Variants in VSTM2B observed in about 807,000 individuals in gnomAD.
VSTM2B encodes V-set and transmembrane domain-containing protein 2B.
In VSTM2B, 24 loss-of-function variants were observed where a neutral mutation model predicts 24.0. The ratio of observed to expected loss-of-function variants is 1.00; its 90% CI spans 0.72 to 1.40. The LOEUF is 1.40. VSTM2B is among the 40% of genes most tolerant of loss of function. The pLI, the probability that VSTM2B is intolerant of heterozygous loss-of-function variation, is 0.00. For missense variants in VSTM2B, 399 were observed against 416.4 expected (o/e 0.96, Z 0.36); for synonymous variants, 226 against 194.4 (o/e 1.16, Z -1.35).
intron 4 of VSTM2B, among the ~76,000 whole-genome samples, chr19:29,561,798 G>A (rs1302878250): frequency 2.0e-5 from 3 of 152,170 alleles, no homozygotes; most frequent in African/African-American, 7.2e-5. Context: ...CCATCAGCTC[G>A]TCCATCACAT....
chr19:29,545,963 C>A (rs896902510), intron 4 of VSTM2B, among the ~76,000 whole-genome samples: 24 of 152,066 alleles, frequency 1.6e-4, no homozygotes. Flanking sequence ...TTGGTGGATG[C>A]AGGGAGGCCA....
In VSTM2B at chr19:29,530,281, C is replaced by A; in HGVS notation, c.760C>A (p.His254Asn). ...ACAGGCGGTCCTGCTGCGCCAGAGG[C>A]ACGGCTCGGGTAAGGGATCGCGGAG... ...SGQAVLLRQR[H>N]GSGTGRSYTT... Residue 254 changes from histidine (H) to asparagine (N), a missense_variant, in exon 4 of 5, where the codon CAC becomes AAC. Transcript: ENST00000335523. The A allele has an allele frequency of 6.7e-7, 1 of 1,500,694 alleles. No individual in the cohort carries two copies. The highest frequency in any genetic ancestry group is 8.8e-7 in the Non-Finnish European group (1 of 1,132,382). 93.0% of individuals were successfully genotyped at this position (1,500,694 alleles called of 1,614,324 possible). A position where few individuals can be genotyped will look rare whatever the true frequency, so the allele number is the denominator to read the frequency against.
At chr19:29,527,474 A>T in intron 2 of VSTM2B, 79 bp downstream of exon 2, 1 of 1,299,984 alleles carries the variant, frequency 7.7e-7, no homozygotes, top group Non-Finnish European at 1.0e-6. Flanking sequence ...GGAGGGAAGC[A>T]GCGGGCTTCA....
intron 4 of VSTM2B, among the ~76,000 whole-genome samples, chr19:29,558,085 A>ATG (rs1491139851): frequency 2.0e-5 from 3 of 152,270 alleles, no homozygotes; most frequent in Non-Finnish European, 1.5e-5. Context: ...GCCAACAAAC[A>ATG]TGTATATATA....
intron 4 of VSTM2B, among the ~76,000 whole-genome samples, chr19:29,538,325 GA>G (rs1344289573): frequency 6.6e-6 from 1 of 152,188 alleles, no homozygotes; most frequent in African/African-American, 2.4e-5. Flanking sequence ...GATCCGGGGG[GA>G]TAATCCGTGG....
chr19:29,562,668 G>C (rs2145523035), intron 4 of VSTM2B, among the ~76,000 whole-genome samples: 1 of 152,330 alleles, frequency 6.6e-6, no homozygotes, highest in African/African-American at 2.4e-5. Context: ...GGATCGTGCA[G>C]GGTGCTTCCA....
In VSTM2B at chr19:29,528,417, C is replaced by T. The variant is rs992330528; in HGVS notation, c.268-16C>T. 2.6e-6 allele frequency: 4 copies of T among 1,551,228 alleles called. No homozygotes were observed. Among genetic ancestry groups the T allele is most frequent in the Admixed American group, 3.9e-5 (2 of 51,012 alleles). ...GCCGCGAGCCTCACGTCTCTCTCTCCCTCTTTGCATTTTAGGTAACAAATA... is the reference window on the plus strand; with the variant it reads ...GCCGCGAGCCTCACGTCTCTCTCTCTCTCTTTGCATTTTAGGTAACAAATA... On this transcript the variant is annotated splice_polypyrimidine_tract_variant and intron_variant, in intron 2 of 4. Coordinates refer to ENST00000335523, the MANE Select transcript of VSTM2B (RefSeq NM_001146339.2).
chr19:29,553,382 A>G (rs1483567677), intron 4 of VSTM2B, among the ~76,000 whole-genome samples: 2 of 152,236 alleles, frequency 1.3e-5, no homozygotes, highest in Admixed American at 1.3e-4. Flanking sequence ...CTGTTAAAAC[A>G]AAAGCAAACA....
chr19:29,554,217 G>A (rs1034899276), intron 4 of VSTM2B, among the ~76,000 whole-genome samples: 1 of 152,196 alleles, frequency 6.6e-6, no homozygotes, highest in Admixed American at 6.5e-5. Flanking sequence ...TATACTAATG[G>A]TGGACCTCTT....
intron 4 of VSTM2B, among the ~76,000 whole-genome samples, chr19:29,553,941 C>CA (rs1970347124): frequency 6.6e-6 from 1 of 152,142 alleles, no homozygotes. Flanking sequence ...ACCAAACCTA[C>CA]AACTGATTGA....
At chr19:29,552,175 G>A (rs758683995) in intron 4 of VSTM2B, among the ~76,000 whole-genome samples, 3 of 152,214 alleles carry the variant, frequency 2.0e-5, no homozygotes, top group Non-Finnish European at 4.4e-5. Flanking sequence ...CATTGCTGAT[G>A]TACAGACCCC....
intron 4 of VSTM2B, among the ~76,000 whole-genome samples, chr19:29,546,102 T>G (rs76882320): frequency 0.024 from 3,670 of 151,698 alleles, 101 homozygotes; most frequent in African/African-American, 0.07. Flanking sequence ...TGTATTGGAG[T>G]CAACTTGTGG....
chr19:29,547,898 G>A (rs1290140807), intron 4 of VSTM2B, among the ~76,000 whole-genome samples: 1 of 151,976 alleles, frequency 6.6e-6, no homozygotes, highest in Non-Finnish European at 1.5e-5. Context: ...TGGGGGGATG[G>A]GGAATTACGG....
At chr19:29,552,740 A>C (rs1970314797) in intron 4 of VSTM2B, among the ~76,000 whole-genome samples, 1 of 152,210 alleles carries the variant, frequency 6.6e-6, no homozygotes, top group Non-Finnish European at 1.5e-5. Context: ...GGCAGCAGCC[A>C]TCACTGCAGT....
At chr19:29,533,268 C>T (rs1046182771) in intron 4 of VSTM2B, among the ~76,000 whole-genome samples, 1 of 152,202 alleles carries the variant, frequency 6.6e-6, no homozygotes. Context: ...CTCTGCCTTC[C>T]CTGGAGGGGC....
At chr19:29,552,941 G>C (rs78909352) in intron 4 of VSTM2B, among the ~76,000 whole-genome samples, 1 of 152,184 alleles carries the variant, frequency 6.6e-6, no homozygotes, top group African/African-American at 2.4e-5. Context: ...ACAGCCAGGC[G>C]TATAGGGACA....
chr19:29,526,635 C>T lies in VSTM2B; in HGVS notation c.52C>T (p.Leu18=). 1 of 1,530,468 alleles carries T rather than the reference C, an allele frequency of 6.5e-7. No homozygotes were observed. Among genetic ancestry groups the T allele is most frequent in the South Asian group, 1.2e-5 (1 of 82,950 alleles). The allele number at this position is 1,530,468 out of a possible 1,614,324, so 94.8% of individuals were successfully genotyped here. A position where few individuals can be genotyped will look rare whatever the true frequency, so the allele number is the denominator to read the frequency against. ...CCTCGGATACCTGCCGCCTCTGCTG[C>T]TGCATGCCCTGCTGCTCTTCGTGGC... is the stretch of plus-strand genomic sequence containing the variant. The part of the protein sequence containing the change: ...GALGYLPPLL[L]HALLLFVADA... The change falls in exon 1 of 5, where the codon CTG becomes TTG. Residue 18 remains leucine, a synonymous_variant. Transcript: ENST00000335523. This position sits in a 1 kb window ranked among gnomAD's most constrained non-coding sequence, Gnocchi z 4.1.
intron 4 of VSTM2B, among the ~76,000 whole-genome samples, chr19:29,556,528 G>C (rs1437743033): frequency 6.6e-6 from 1 of 152,174 alleles, no homozygotes; most frequent in African/African-American, 2.4e-5. Flanking sequence ...TGGAGGTTCT[G>C]GCCAGGACAA....
intron 4 of VSTM2B, among the ~76,000 whole-genome samples, chr19:29,542,457 G>T (rs1462560171): frequency 6.6e-6 from 1 of 151,756 alleles, no homozygotes; most frequent in African/African-American, 2.4e-5. Flanking sequence ...TGGGTTGATG[G>T]TTGGGAGAAT....
Sources: allele counts gnomAD v4.1 joint callset (sites outside exome capture counted in the v4.1 genomes callset), GRCh38; gene constraint gnomAD v4.1.1; non-coding constraint Gnocchi (gnomAD v3.1); transcripts MANE v1.5; gene names NCBI Gene and HGNC (gene_info 2026-07-23, HGNC 2026-07-21).